The following VPS13A variants were observed in gnomAD, a reference collection of about 807,000 sequenced individuals.
VPS13A encodes the protein vacuolar protein sorting 13 homolog A, also known as intermembrane lipid transfer protein VPS13A.
VPS13A carries 264 observed loss-of-function variants against 390.9 expected under a neutral mutation model. That is an observed-to-expected ratio of 0.68 (90% CI 0.61 to 0.75). The LOEUF (loss-of-function observed/expected upper bound fraction) is 0.75. Among genes scored for constraint, VPS13A ranks in the 30% least tolerant of loss-of-function variants. VPS13A has a pLI of 0.00. For synonymous variants in VPS13A, 1,231 were observed against 1,227.1 expected (o/e 1.00, Z -0.07); for missense variants, 3,409 against 3,733.9 (o/e 0.91, Z 2.27).
Position 77,321,724 on chromosome 9 carries a change from C to T in VPS13A, c.5808C>T (p.Ser1936=). ...DHFNAMTSLS[S]KLFFILLTPV... ...TCAATGCAATGACCAGCCTAAGCAG[C>T]AAACTCTTCTTCATTCTTCTTAGTA... The change falls in exon 44 of 72, where the codon AGC becomes AGT. Residue 1936 remains serine, a synonymous_variant. Transcript: ENST00000360280. 6.2e-7 allele frequency: 1 copy of T among 1,613,196 alleles called. No homozygotes were observed. Among genetic ancestry groups the T allele is most frequent in the Non-Finnish European group, 8.5e-7 (1 of 1,179,428 alleles).
rs1826939860 is a variant in VPS13A at position 77,280,231 on chromosome 9, A to G, written c.2897A>G (p.Tyr966Cys). The G allele has an allele frequency of 6.2e-7, 1 of 1,611,826 alleles. No homozygotes were observed. The highest frequency in any genetic ancestry group is 8.5e-7 in the Non-Finnish European group (1 of 1,178,476). The change falls in exon 27 of 72, where the codon TAT becomes TGT. Residue 966 changes from tyrosine to cysteine, a missense_variant. Transcript: ENST00000360280. ...NTMEDLLTLE[Y>C]VKAEKNVPDL... ...ATGGAAGACCTGTTAACGCTGGAATATGTAAAGGTAAGCAGTTTCATTTAT... is the reference window on the plus strand; with the variant it reads ...ATGGAAGACCTGTTAACGCTGGAATGTGTAAAGGTAAGCAGTTTCATTTAT...
chr9:77,298,528 A>T (rs903889687), intron 33 of VPS13A, among the ~76,000 whole-genome samples: 1 of 151,176 alleles, frequency 6.6e-6, no homozygotes, highest in African/African-American at 2.4e-5. Context: ...ATAGTGTATC[A>T]TTTTTTTTTC....
rs374432389 is a variant in VPS13A, at chr9:77,344,973, G to T, written c.7156-36G>T. On this transcript the variant is annotated intron_variant, in intron 51 of 71. Transcript: ENST00000360280. ...TATTAGTTAATATTCTTGGGAAAAT[G>T]ATTACATTAAAATGTTTTCTTTTTC... The T allele has an allele frequency of 1.2e-5, 20 of 1,600,678 alleles. No homozygotes were observed. The African/African-American group carries it at 2.0e-4, about 16-fold the overall frequency.
At chr9:77,177,863 C>G (rs1256862883) in intron 1 of VPS13A, 59 bp downstream of exon 1, 3 of 1,500,140 alleles carry the variant, frequency 2.0e-6, no homozygotes, top group Admixed American at 1.9e-5. Context: ...GTCTCGCTGC[C>G]CGAGCGGCGT....
At chr9:77,271,641 C>T (rs879847022) in intron 23 of VPS13A, among the ~76,000 whole-genome samples, 4 of 152,090 alleles carry the variant, frequency 2.6e-5, no homozygotes, top group Non-Finnish European at 5.9e-5. Context: ...AATACTAATA[C>T]ATGTAGCAGT....
intron 6 of VPS13A, among the ~76,000 whole-genome samples, chr9:77,210,160 CCTCTCTCTCT>C (rs150244384): frequency 2.8e-5 from 3 of 107,478 alleles, no homozygotes; most frequent in Non-Finnish European, 5.4e-5. Flanking sequence ...CCCCCACCTC[CCTCTCTCTCT>C]CTCTCTCTCT....
intron 71 of VPS13A, among the ~76,000 whole-genome samples, chr9:77,413,759 A>C (rs1835049456): frequency 6.6e-6 from 1 of 152,148 alleles, no homozygotes; most frequent in Non-Finnish European, 1.5e-5. Context: ...ATTAAACTAA[A>C]GAGAGCTTCT....
At chr9:77,178,779 C>G (rs1395664617) in intron 1 of VPS13A, among the ~76,000 whole-genome samples, 1 of 152,102 alleles carries the variant, frequency 6.6e-6, no homozygotes, top group African/African-American at 2.4e-5. Flanking sequence ...ATGAATTTCC[C>G]AGGCCAAAGT....
intron 47 of VPS13A, chr9:77,339,171 G>T (rs1464160568): frequency 4.3e-6 from 1 of 233,006 alleles, no homozygotes; most frequent in African/African-American, 2.3e-5. Context: ...TAAAAATCAC[G>T]AGTGGTTAAG....
At chr9:77,269,441 T>C (rs999881471) in intron 23 of VPS13A, among the ~76,000 whole-genome samples, 3 of 152,234 alleles carry the variant, frequency 2.0e-5, no homozygotes, top group African/African-American at 7.2e-5. Context: ...ACTGTCTTAA[T>C]TATACTATAA....
chr9:77,283,339 G>A lies in VPS13A; in HGVS notation c.3119-16G>A. 1 of 1,437,864 alleles carries A rather than the reference G, an allele frequency of 7.0e-7. No individual in the cohort carries two copies. Among genetic ancestry groups the A allele is most frequent in the South Asian group, 1.2e-5 (1 of 84,994 alleles). 89.1% of individuals were successfully genotyped at this position (1,437,864 alleles called of 1,614,324 possible). ...TGTTTTTCCTCATGTTTTATAATAT[G>A]AATTTTTTTTTGCAGCTTTAAAACT... On this transcript the variant is annotated splice_polypyrimidine_tract_variant and intron_variant, in intron 29 of 71. Coordinates refer to ENST00000360280, the MANE Select transcript of VPS13A (RefSeq NM_033305.3).
At chr9:77,405,161 G>T (rs1309633953) in intron 69 of VPS13A, among the ~76,000 whole-genome samples, 1 of 152,208 alleles carries the variant, frequency 6.6e-6, no homozygotes, top group Non-Finnish European at 1.5e-5. Context: ...GGGAAAACAA[G>T]AATTTATTTA....
Position 77,250,534 on chromosome 9 carries a change from T to C in VPS13A, c.2170+305T>C, listed in dbSNP as rs574718634. Among the ~76,000 whole-genome samples, 3 of 152,288 alleles carry C rather than the reference T, an allele frequency of 2.0e-5. No individual in the cohort carries two copies. In the South Asian group the frequency reaches 6.2e-4, roughly 32 times the overall value. On this transcript the variant is annotated intron_variant, in intron 21 of 71. Coordinates refer to ENST00000360280, the MANE Select transcript of VPS13A (RefSeq NM_033305.3). ...CGATGTTCAGGCCAGTCCCTCATAA[T>C]AAATATCAGTAGTGCTGAGGTCGAG... is the stretch of plus-strand genomic sequence containing the variant.
chr9:77,383,119 G>A lies in VPS13A; in HGVS notation c.9189+1032G>A, dbSNP rs1488235838. 6.0e-6 allele frequency: 5 copies of A among 826,748 alleles called. No individual in the cohort carries two copies. In the African/African-American group the frequency reaches 7.4e-5, roughly 12 times the overall value. The allele number at this position is 826,748 out of a possible 1,614,324, so 51.2% of individuals were successfully genotyped here. On this transcript the variant is annotated intron_variant, in intron 68 of 71. Transcript: ENST00000360280. ...TTTTAAATATTGTGATATTTAATGT[G>A]ATCAGAGTAAAGATTTAAACTTCAG...
In VPS13A at chr9:77,370,395, C is replaced by G. The variant is rs775005308; in HGVS notation, c.8744-20C>G. On this transcript the variant is annotated intron_variant, in intron 64 of 71. Coordinates refer to ENST00000360280, the MANE Select transcript of VPS13A (RefSeq NM_033305.3). ...GAAAGTAATGGCATCATTACTTTTA[C>G]TAAAGATAATTTCTGTCAGGTGGAT... The G allele has an allele frequency of 1.2e-6, 2 of 1,614,112 alleles. No individual in the cohort carries two copies. The highest frequency in any genetic ancestry group is 1.7e-6 in the Non-Finnish European group (2 of 1,180,010).
intron 68 of VPS13A, chr9:77,382,859 G>C: frequency 1.0e-6 from 1 of 985,368 alleles, no homozygotes; most frequent in Non-Finnish European, 1.2e-6. Context: ...AATCTGCTTA[G>C]ACAACTTTCT....
chr9:77,205,231 C>A, intron 3 of VPS13A, 82 bp from the exon 4 acceptor site: 2 of 729,270 alleles, frequency 2.7e-6, no homozygotes, highest in Admixed American at 2.7e-5. Context: ...TCTTCAATGC[C>A]TGACAGAAAA....
intron 10 of VPS13A, among the ~76,000 whole-genome samples, chr9:77,217,442 C>A (rs1248019974): frequency 6.6e-6 from 1 of 152,152 alleles, no homozygotes; most frequent in Non-Finnish European, 1.5e-5. Flanking sequence ...TAAGTAATTT[C>A]TTATCATCCA....
chr9:77,413,114 G>A (rs1264911324), intron 71 of VPS13A, among the ~76,000 whole-genome samples: 3 of 152,116 alleles, frequency 2.0e-5, no homozygotes, highest in African/African-American at 7.2e-5. Flanking sequence ...ACAAATGGAA[G>A]AACATTCCAT....
Sources: allele counts gnomAD v4.1 joint callset (sites outside exome capture counted in the v4.1 genomes callset), GRCh38; gene constraint gnomAD v4.1.1; transcripts MANE v1.5; gene names NCBI Gene and HGNC (gene_info 2026-07-23, HGNC 2026-07-21).